Variants in PRELID2 observed in about 807,000 individuals in gnomAD.
PRELID2 encodes the protein PRELI domain containing 2.
In PRELID2, 25 loss-of-function variants were observed where a neutral mutation model predicts 28.4. The ratio of observed to expected loss-of-function variants is 0.88; its 90% CI spans 0.64 to 1.23. The LOEUF is 1.23. Ranked by LOEUF, PRELID2 falls within the 50% of genes most tolerant of loss-of-function variation. The pLI, the probability that PRELID2 is intolerant of heterozygous loss-of-function variation, is 0.00. For synonymous variants in PRELID2, 76 were observed against 71.6 expected (o/e 1.06, Z -0.31); for missense variants, 201 against 214.4 (o/e 0.94, Z 0.39).
At chr5:145,420,212 G>A in the PRELID2 span, among the ~76,000 whole-genome samples, 55 of 152,146 alleles carry the variant, frequency 3.6e-4, no homozygotes, top group African/African-American at 1.1e-3. Context: ...TTGGCGATGC[G>A]GGCTCTTTTT....
At chr5:145,273,442 G>A in the PRELID2 span, among the ~76,000 whole-genome samples, 3 of 152,064 alleles carry the variant, frequency 2.0e-5, no homozygotes, top group Non-Finnish European at 4.4e-5. Context: ...GCCAGAGGTT[G>A]AGAGGAAGAA....
the PRELID2 span, among the ~76,000 whole-genome samples, chr5:145,459,468 T>C: frequency 6.6e-6 from 1 of 152,186 alleles, no homozygotes; most frequent in African/African-American, 2.4e-5. Flanking sequence ...AAATGTGTTA[T>C]ATTTTCTTTC....
chr5:145,668,449 A>G (rs929704950), intron 1 of PRELID2, among the ~76,000 whole-genome samples: 1 of 152,062 alleles, frequency 6.6e-6, no homozygotes, highest in African/African-American at 2.4e-5. Context: ...AGATTTTAAA[A>G]AAAAAGGCAG....
At chr5:145,386,652 G>A in the PRELID2 span, among the ~76,000 whole-genome samples, 2 of 152,022 alleles carry the variant, frequency 1.3e-5, no homozygotes, top group Non-Finnish European at 2.9e-5. Context: ...ACTAATACAT[G>A]GCCCTTATTA....
chr5:145,333,832 A>AAC, the PRELID2 span, among the ~76,000 whole-genome samples: 1 of 151,708 alleles, frequency 6.6e-6, no homozygotes, highest in Non-Finnish European at 1.5e-5. Context: ...AAAAAAAAAA[A>AAC]AAAACTCCTG....
the PRELID2 span, among the ~76,000 whole-genome samples, chr5:145,246,461 T>G: frequency 6.6e-6 from 1 of 152,128 alleles, no homozygotes; most frequent in Non-Finnish European, 1.5e-5. Context: ...CTGTAACCAC[T>G]CTAAGATAAA....
the PRELID2 span, chr5:145,440,856 G>C: frequency 3.3e-5 from 5 of 151,992 alleles, no homozygotes; most frequent in African/African-American, 1.2e-4. Context: ...CATCTCAACA[G>C]AAAGCGCTTA....
chr5:145,557,854 T>C (rs1183881246), intron 1 of PRELID2, among the ~76,000 whole-genome samples: 3 of 152,204 alleles, frequency 2.0e-5, no homozygotes, highest in Non-Finnish European at 2.9e-5. Context: ...TTATCTACTA[T>C]AGTATGCTCT....
chr5:145,819,295 C>T (rs1160196051), intron 3 of PRELID2: 1 of 898,246 alleles, frequency 1.1e-6, no homozygotes, highest in Admixed American at 1.8e-5. Flanking sequence ...AGATGCTTTC[C>T]TCTGACTTCC....
At chr5:145,353,502 C>T in the PRELID2 span, among the ~76,000 whole-genome samples, 7 of 151,748 alleles carry the variant, frequency 4.6e-5, no homozygotes, top group South Asian at 2.1e-4. Flanking sequence ...TACCTGAGAC[C>T]GGGTAATTTG....
At chr5:145,604,252 C>T (rs1753463187) in intron 1 of PRELID2, among the ~76,000 whole-genome samples, 1 of 152,060 alleles carries the variant, frequency 6.6e-6, no homozygotes, top group East Asian at 1.9e-4. Flanking sequence ...TTCCACCCTC[C>T]ACCCTCAAGT....
chr5:145,446,611 T>C, the PRELID2 span, among the ~76,000 whole-genome samples: 65 of 152,274 alleles, frequency 4.3e-4, no homozygotes, highest in African/African-American at 1.5e-3. Context: ...AACTGGCAAT[T>C]TGCCAATCGA....
chr5:145,330,957 G>T, the PRELID2 span, among the ~76,000 whole-genome samples: 1 of 151,992 alleles, frequency 6.6e-6, no homozygotes, highest in African/African-American at 2.4e-5. Flanking sequence ...TTGTCACAGA[G>T]ATTCTGGTAT....
chr5:145,427,062 C>A, the PRELID2 span, among the ~76,000 whole-genome samples: 1 of 152,192 alleles, frequency 6.6e-6, no homozygotes, highest in Non-Finnish European at 1.5e-5. Flanking sequence ...ACTTTAGAAT[C>A]AATTTTCTTG....
the PRELID2 span, among the ~76,000 whole-genome samples, chr5:145,272,084 A>ATTT: frequency 1.0e-4 from 15 of 150,268 alleles, no homozygotes; most frequent in African/African-American, 3.4e-4. Flanking sequence ...ATGGCAACAT[A>ATTT]TTTTTTTTTT....
chr5:145,401,782 C>T, the PRELID2 span, among the ~76,000 whole-genome samples: 3 of 152,128 alleles, frequency 2.0e-5, no homozygotes, highest in Admixed American at 1.3e-4. Flanking sequence ...CACTGTCTCT[C>T]GAACATTTAG....
chr5:145,295,121 G>A, the PRELID2 span, among the ~76,000 whole-genome samples: 1 of 152,008 alleles, frequency 6.6e-6, no homozygotes, highest in Non-Finnish European at 1.5e-5. Flanking sequence ...TACTAATGTG[G>A]AAACATTTAT....
chr5:145,540,261 T>C (rs1752735205), intron 1 of PRELID2, among the ~76,000 whole-genome samples: 1 of 151,772 alleles, frequency 6.6e-6, no homozygotes, highest in African/African-American at 2.4e-5. Flanking sequence ...CTATCCATAA[T>C]AACAAAAAAA....
chr5:145,264,672 A>T, the PRELID2 span, among the ~76,000 whole-genome samples: 1 of 152,078 alleles, frequency 6.6e-6, no homozygotes, highest in Non-Finnish European at 1.5e-5. Flanking sequence ...GAAATAAAGG[A>T]TATAAAAATT....
Sources: gnomAD v4.1 joint callset for allele counts (sites outside exome capture counted in the v4.1 genomes callset) on GRCh38, gnomAD v4.1.1 for gene constraint, MANE v1.5 for transcripts, NCBI Gene and HGNC (gene_info 2026-07-23, HGNC 2026-07-21) for gene names.